CLTA: variants seen among roughly 807,000 people sequenced by gnomAD.
CLTA encodes clathrin light chain A, also known as clathrin, light polypeptide (Lca).
In CLTA, 9 loss-of-function variants were observed where a neutral mutation model predicts 26.9. The ratio of observed to expected loss-of-function variants is 0.33; its 90% CI spans 0.20 to 0.58. The LOEUF is 0.58. CLTA is among the 20% of genes least tolerant of loss of function. The probability of loss-of-function intolerance (pLI) is 0.85; values close to 1 mark genes in which losing one functional copy is unlikely to be tolerated. For missense variants in CLTA, 278 were observed against 294.2 expected (o/e 0.94, Z 0.40); for synonymous variants, 120 against 115.5 (o/e 1.04, Z -0.25).
rs931127068 is a variant in CLTA, at chr9:36,211,410, C to G, written c.486-193C>G. On this transcript the variant is annotated intron_variant, in intron 4 of 4. Coordinates refer to ENST00000345519, the MANE Select transcript of CLTA (RefSeq NM_001833.4). Reference sequence around the variant, plus strand: ...GTATTCCAACATTTTACACAGCGGTCTGGGCACCCTGTGCCTAGGAGAGCC... The same window carrying G: ...GTATTCCAACATTTTACACAGCGGTGTGGGCACCCTGTGCCTAGGAGAGCC... The G allele has an allele frequency of 9.6e-5, 18 of 187,372 alleles. No individual in the cohort carries two copies. The East Asian group carries it at 2.6e-3, about 27-fold the overall frequency. The allele number at this position is 187,372 out of a possible 1,614,324, so 11.6% of individuals were successfully genotyped here. A position where few individuals can be genotyped will look rare whatever the true frequency, so the allele number is the denominator to read the frequency against.
At chr9:36,203,103 G>A (rs1404361631) in intron 3 of CLTA, among the ~76,000 whole-genome samples, 1 of 152,092 alleles carries the variant, frequency 6.6e-6, no homozygotes, top group Admixed American at 6.5e-5. Flanking sequence ...AAAGTGTTGG[G>A]ATTACAGGCG....
intron 4 of CLTA, among the ~76,000 whole-genome samples, chr9:36,205,752 C>G (rs944657126): frequency 7.5e-6 from 1 of 132,996 alleles, no homozygotes; most frequent in African/African-American, 3.0e-5. Context: ...AGTAATGACA[C>G]CTGTTTTTTT....
chr9:36,190,999 C>A lies in CLTA; in HGVS notation c.-58C>A. On this transcript the variant is annotated 5_prime_UTR_variant, in exon 1 of 5. Transcript: ENST00000345519. ...CAGCGGTGGCTGCCGGGCGTGGTGT[C>A]GGTGGGTCGGTTGGTTTTTGTCTCA... 3 of 1,470,112 alleles carry A rather than the reference C, an allele frequency of 2.0e-6. No individual in the cohort carries two copies. The highest frequency in any genetic ancestry group is 2.7e-6 in the Non-Finnish European group (3 of 1,120,902). 91.1% of individuals were successfully genotyped at this position (1,470,112 alleles called of 1,614,324 possible).
chr9:36,200,770 C>T (rs943473371), intron 3 of CLTA, among the ~76,000 whole-genome samples: 1 of 152,176 alleles, frequency 6.6e-6, no homozygotes, highest in Non-Finnish European at 1.5e-5. Flanking sequence ...CTTCACAATT[C>T]AAGTGTGACT....
At chr9:36,210,392 G>C (rs934676365) in intron 4 of CLTA, among the ~76,000 whole-genome samples, 6 of 152,240 alleles carry the variant, frequency 3.9e-5, no homozygotes, top group African/African-American at 1.4e-4. Context: ...ACTTACAGGT[G>C]GTGTTTGATT....
chr9:36,203,247 A>G (rs978387505), intron 3 of CLTA, among the ~76,000 whole-genome samples: 2 of 152,292 alleles, frequency 1.3e-5, no homozygotes, highest in East Asian at 3.9e-4. Context: ...TGAGAATCCA[A>G]TCTAGCAAAC....
chr9:36,207,784 A>G (rs755972087), intron 4 of CLTA, among the ~76,000 whole-genome samples: 7 of 152,244 alleles, frequency 4.6e-5, no homozygotes, highest in Non-Finnish European at 8.8e-5. Context: ...ATGATTTGAC[A>G]GGAGTCATGA....
Position 36,210,542 on chromosome 9 carries a change from T to A in CLTA, c.486-1061T>A, listed in dbSNP as rs1563919228. On this transcript the variant is annotated intron_variant, in intron 4 of 4. Transcript: ENST00000345519. ...AGTGGCAAGGGCATGTCCAGCTTAC[T>A]GACCATCTGCATTGAGCTCATTCTC... is the stretch of plus-strand genomic sequence containing the variant. 4 of 1,606,494 alleles carry A rather than the reference T, an allele frequency of 2.5e-6. No individual in the cohort carries two copies. In the East Asian group the frequency reaches 8.9e-5, roughly 36 times the overall value.
At chr9:36,193,740 A>G (rs935443627) in intron 1 of CLTA, among the ~76,000 whole-genome samples, 4 of 152,220 alleles carry the variant, frequency 2.6e-5, no homozygotes, top group Admixed American at 1.3e-4. Context: ...GAAAGCGTCT[A>G]TGGAGGATGG....
chr9:36,210,617 C>A (rs200405223), intron 4 of CLTA: 1 of 1,614,178 alleles, frequency 6.2e-7, no homozygotes, highest in African/African-American at 1.3e-5. Context: ...CTTCTCTTCA[C>A]CTTTAAGCAC....
At position 36,199,616 on chromosome 9, in the gene CLTA, C is replaced by A. The variant is rs1587221111; in HGVS notation, c.373+520C>A. 5.0e-5 allele frequency among the ~76,000 whole-genome samples: 6 copies of A among 121,166 alleles called. No homozygotes were observed. The South Asian group carries it at 1.6e-3, about 33-fold the overall frequency. The allele number at this position is 121,166 out of a possible 152,430, so 79.5% of individuals were successfully genotyped here. On this transcript the variant is annotated intron_variant, in intron 3 of 4. Coordinates refer to ENST00000345519, the MANE Select transcript of CLTA (RefSeq NM_001833.4). ...CAGGCGCCCGCCACTACGTCCCGCT[C>A]ATTTTTTTTTTGTATTTTTAGTAGA...
chr9:36,196,482 G>C (rs540835973), intron 1 of CLTA, among the ~76,000 whole-genome samples: 56 of 151,754 alleles, frequency 3.7e-4, no homozygotes, highest in African/African-American at 1.3e-3. Flanking sequence ...GAGTAGCTGG[G>C]ATTACAGGCT....
intron 4 of CLTA, 42 bp from the exon 5 acceptor site, chr9:36,211,560 AG>A: frequency 6.4e-7 from 1 of 1,557,162 alleles, no homozygotes; most frequent in Non-Finnish European, 8.7e-7. Context: ...GGTTGCTCAA[AG>A]GGGGTTCTGC....
intron 1 of CLTA, 123 bp downstream of exon 1, chr9:36,191,396 C>A: frequency 8.5e-7 from 1 of 1,172,912 alleles, no homozygotes; most frequent in Non-Finnish European, 1.1e-6. Context: ...GCAGTGCAAA[C>A]AGGAAACGAG....
At chr9:36,201,258 CTG>C (rs1344106736) in intron 3 of CLTA, among the ~76,000 whole-genome samples, 3 of 152,204 alleles carry the variant, frequency 2.0e-5, no homozygotes, top group Admixed American at 6.5e-5. Context: ...CTTGCAAAAA[CTG>C]TGAGAAAGCA....
intron 3 of CLTA, 55 bp downstream of exon 3, chr9:36,199,151 G>C: frequency 9.0e-7 from 1 of 1,112,512 alleles, no homozygotes; most frequent in Non-Finnish European, 1.4e-6. Context: ...AGTTGAGCTG[G>C]ACTCTACTTT....
At chr9:36,198,637 C>T (rs1028683724) in intron 2 of CLTA, among the ~76,000 whole-genome samples, 4 of 149,516 alleles carry the variant, frequency 2.7e-5, no homozygotes, top group Admixed American at 2.7e-4. Context: ...GCCAAGATTG[C>T]GCCACTGCAC....
intron 4 of CLTA, among the ~76,000 whole-genome samples, chr9:36,208,321 C>T (rs1827837870): frequency 6.6e-6 from 1 of 152,190 alleles, no homozygotes; most frequent in African/African-American, 2.4e-5. Flanking sequence ...TCCACCCAGT[C>T]TGCCCCCTCC....
At chr9:36,210,224 G>A (rs971507511) in intron 4 of CLTA, among the ~76,000 whole-genome samples, 8 of 152,176 alleles carry the variant, frequency 5.3e-5, no homozygotes, top group Non-Finnish European at 1.0e-4. Context: ...AGTAAGGGTG[G>A]AATGGAAGAG....
Sources: gnomAD v4.1 joint callset for allele counts (sites outside exome capture counted in the v4.1 genomes callset) on GRCh38, gnomAD v4.1.1 for gene constraint, MANE v1.5 for transcripts, NCBI Gene and HGNC (gene_info 2026-07-23, HGNC 2026-07-21) for gene names.